The following SAMMSON variants were observed in gnomAD, a reference collection of about 807,000 sequenced individuals.
SAMMSON encodes the protein long intergenic non-protein coding RNA 1212.
intron 4 of SAMMSON, among the ~76,000 whole-genome samples, chr3:70,213,516 G>T (rs1701370399): frequency 6.6e-6 from 1 of 152,052 alleles, no homozygotes; most frequent in South Asian, 2.1e-4. Flanking sequence ...ATTTAGTACT[G>T]TAGTTATCCG....
chr3:70,268,634 G>C (rs1300497382), intron 6 of SAMMSON, among the ~76,000 whole-genome samples: 1 of 152,108 alleles, frequency 6.6e-6, no homozygotes, highest in African/African-American at 2.4e-5. Flanking sequence ...TTGACATGTA[G>C]CTTTCTTTGT....
chr3:70,022,426 C>CAAAAA (rs60455629), intron 3 of SAMMSON, among the ~76,000 whole-genome samples: 25 of 91,118 alleles, frequency 2.7e-4, no homozygotes, highest in Non-Finnish European at 3.6e-4. Flanking sequence ...AGTATAATAA[C>CAAAAA]AAAAAAAAAA....
intron 6 of SAMMSON, among the ~76,000 whole-genome samples, chr3:70,251,799 C>T (rs536926804): frequency 3.3e-5 from 5 of 152,308 alleles, no homozygotes; most frequent in African/African-American, 1.2e-4. Flanking sequence ...AGCTTTGAGT[C>T]AAACCCTACT....
chr3:70,319,767 T>G (rs1575624994), intron 7 of SAMMSON, among the ~76,000 whole-genome samples: 1 of 152,018 alleles, frequency 6.6e-6, no homozygotes, highest in South Asian at 2.1e-4. Flanking sequence ...TAAATTAAAT[T>G]TTTACAAGTC....
intron 4 of SAMMSON, among the ~76,000 whole-genome samples, chr3:70,176,432 G>A (rs887420407): frequency 6.6e-6 from 1 of 152,128 alleles, no homozygotes; most frequent in Non-Finnish European, 1.5e-5. Flanking sequence ...TGAGAGTTTA[G>A]CTTCATCAAC....
At chr3:70,292,315 A>G (rs1057031347) in intron 7 of SAMMSON, among the ~76,000 whole-genome samples, 1 of 152,174 alleles carries the variant, frequency 6.6e-6, no homozygotes, top group African/African-American at 2.4e-5. Context: ...GTATCTATCT[A>G]TTAGAATGGA....
At chr3:70,360,932 T>C (rs1329060074) in intron 9 of SAMMSON, among the ~76,000 whole-genome samples, 1 of 152,176 alleles carries the variant, frequency 6.6e-6, no homozygotes, top group African/African-American at 2.4e-5. Context: ...ATAGCTATCA[T>C]GTTTTGCATT....
rs376380565 is a variant in SAMMSON, at chr3:70,421,344, T to C, written n.234-41216T>C. 1.6e-4 allele frequency among the ~76,000 whole-genome samples: 24 copies of C among 152,306 alleles called. No homozygotes were observed. The East Asian group carries it at 2.7e-3, about 17-fold the overall frequency. On this transcript the variant is annotated intron_variant and non_coding_transcript_variant, in intron 2 of 3. Transcript: ENST00000641053. ...TTTCATGAGTAACTTATAGATAGGC[T>C]ATAATTATTTGATAATTAATGCTCT...
At chr3:70,385,798 G>A (rs907082601) in intron 9 of SAMMSON, among the ~76,000 whole-genome samples, 3 of 152,068 alleles carry the variant, frequency 2.0e-5, no homozygotes, top group African/African-American at 7.2e-5. Flanking sequence ...CTAAAGTACA[G>A]ATATGTCATC....
At chr3:70,310,486 C>T (rs555633064) in intron 7 of SAMMSON, among the ~76,000 whole-genome samples, 4 of 152,056 alleles carry the variant, frequency 2.6e-5, no homozygotes, top group Admixed American at 2.6e-4. Flanking sequence ...CTGCCTCAGC[C>T]TCCTGAGTAG....
intron 7 of SAMMSON, among the ~76,000 whole-genome samples, chr3:70,348,471 T>C (rs970595576): frequency 6.6e-6 from 1 of 152,026 alleles, no homozygotes; most frequent in Non-Finnish European, 1.5e-5. Flanking sequence ...ACCGCATCCT[T>C]ACATGGCAGA....
intron 4 of SAMMSON, among the ~76,000 whole-genome samples, chr3:70,191,686 A>T (rs1701132132): frequency 6.6e-6 from 1 of 152,174 alleles, no homozygotes; most frequent in African/African-American, 2.4e-5. Flanking sequence ...ATATAGCCAT[A>T]GTATTTTTCT....
chr3:70,023,840 C>T lies in SAMMSON; in HGVS notation n.417+10168C>T, dbSNP rs9858543. Among the ~76,000 whole-genome samples the T allele has an allele frequency of 6.1e-3, 932 of 152,310 alleles. 8 individuals are homozygous for T. The highest frequency in any genetic ancestry group is 0.021 in the African/African-American group (879 of 41,556). Reference sequence around the variant, plus strand: ...ATAGGCCTGGGCCAAATTTGGACTGCAAGCCATAGTTTGCCAACCTGTTAT... The same window carrying T: ...ATAGGCCTGGGCCAAATTTGGACTGTAAGCCATAGTTTGCCAACCTGTTAT... On this transcript the variant is annotated intron_variant and non_coding_transcript_variant, in intron 3 of 9. Coordinates refer to ENST00000642114, the Ensembl canonical transcript of SAMMSON.
intron 6 of SAMMSON, among the ~76,000 whole-genome samples, chr3:70,262,122 T>C (rs1302988125): frequency 2.0e-5 from 3 of 152,182 alleles, no homozygotes; most frequent in Non-Finnish European, 2.9e-5. Flanking sequence ...TTGCCTTCTA[T>C]GTGTGTTGAG....
chr3:70,004,163 G>C (rs1177134859), intron 1 of SAMMSON, among the ~76,000 whole-genome samples: 3 of 152,100 alleles, frequency 2.0e-5, no homozygotes, highest in Admixed American at 6.6e-5. Context: ...CAAGACACCT[G>C]TCTAAGAGCT....
At chr3:70,165,666 C>T (rs949597781) in intron 4 of SAMMSON, among the ~76,000 whole-genome samples, 1 of 151,922 alleles carries the variant, frequency 6.6e-6, no homozygotes, top group Non-Finnish European at 1.5e-5. Flanking sequence ...AAGCTCATTC[C>T]TGAACACTCT....
intron 4 of SAMMSON, among the ~76,000 whole-genome samples, chr3:70,107,208 C>T (rs1227500173): frequency 3.3e-5 from 5 of 152,160 alleles, no homozygotes; most frequent in African/African-American, 1.2e-4. Context: ...AGGGAAAGCT[C>T]ATTTGATGGC....
At chr3:70,107,902 G>A (rs1470483073) in intron 4 of SAMMSON, among the ~76,000 whole-genome samples, 2 of 151,952 alleles carry the variant, frequency 1.3e-5, no homozygotes, top group African/African-American at 2.4e-5. Flanking sequence ...AGATGGGAAG[G>A]ATACACCTGG....
chr3:70,072,641 C>T (rs1331529828), intron 4 of SAMMSON: 1 of 23,602 alleles, frequency 4.2e-5, no homozygotes, highest in South Asian at 1.3e-3. Flanking sequence ...AATAGAACAG[C>T]AAAGGAAAAA....
Sources: gnomAD v4.1 joint callset for allele counts (sites outside exome capture counted in the v4.1 genomes callset) on GRCh38, gnomAD v4.1.1 for gene constraint, MANE v1.5 for transcripts, NCBI Gene and HGNC (gene_info 2026-07-23, HGNC 2026-07-21) for gene names.